CNTRL: variants seen among roughly 807,000 people sequenced by gnomAD.
CNTRL encodes the protein centriolin, also known as 110 kDa centrosomal protein.
A neutral mutation model predicts 303.7 loss-of-function variants in CNTRL; 233 were observed. The ratio of observed to expected loss-of-function variants is 0.77; its 90% CI spans 0.69 to 0.86. CNTRL has a LOEUF of 0.86. CNTRL is among the 40% of genes least tolerant of loss of function. CNTRL has a pLI of 0.00. For missense variants in CNTRL, 2,524 were observed against 2,650.6 expected, an observed-to-expected ratio of 0.95 and a Z score of 1.05; for synonymous variants, 900 against 922.2, an observed-to-expected ratio of 0.98 and a Z score of 0.44.
At chr9:121,142,032 TA>T in intron 18 of CNTRL, 58 bp from the exon 19 acceptor site, 1 of 1,392,664 alleles carries the variant, frequency 7.2e-7, no homozygotes, top group Non-Finnish European at 9.6e-7. Flanking sequence ...AAAAAGTTTT[TA>T]TTTTGCTTAA....
chr9:121,175,415 C>T (rs569528276), intron 43 of CNTRL, 191 bp downstream of exon 43: 3 of 597,212 alleles, frequency 5.0e-6, no homozygotes, highest in East Asian at 3.1e-5. Flanking sequence ...TACAGGCACA[C>T]ACCACTTGGC....
intron 25 of CNTRL, among the ~76,000 whole-genome samples, chr9:121,151,539 C>T (rs1051484927): frequency 6.6e-6 from 1 of 151,616 alleles, no homozygotes; most frequent in African/African-American, 2.4e-5. Context: ...TAGAGGCATA[C>T]GCCACCACGC....
At position 121,151,384 on chromosome 9, in the gene CNTRL, C is replaced by CTTTTTTTTTT. The variant is rs200247383; in HGVS notation, c.3963+903_3963+904insTTTTTTTTTT. ...GATTACTTCCTTTTTCTTTTTTCTTCTTCTTTTTTTTTTTTTTTTTTTTTG... is the reference window on the plus strand; with the variant it reads ...GATTACTTCCTTTTTCTTTTTTCTTCTTTTTTTTTTTTCTTTTTTTTTTTTTTTTTTTTTG... On this transcript the variant is annotated intron_variant, in intron 25 of 43. Transcript: ENST00000373855. Among the ~76,000 whole-genome samples, 182 of 91,452 alleles carry CTTTTTTTTTT rather than the reference C, an allele frequency of 2.0e-3. 8 individuals carry two copies. Among genetic ancestry groups the CTTTTTTTTTT allele is most frequent in the East Asian group, 6.3e-3 (14 of 2,216 alleles). The allele number at this position is 91,452 out of a possible 152,430, so 60.0% of individuals were successfully genotyped here. A position where few individuals can be genotyped will look rare whatever the true frequency, so the allele number is the denominator to read the frequency against.
At chr9:121,161,758 G>C in intron 32 of CNTRL, 98 bp from the exon 33 acceptor site, 2 of 846,182 alleles carry the variant, frequency 2.4e-6, no homozygotes, top group Non-Finnish European at 3.7e-6. Flanking sequence ...TTTTAAAATT[G>C]TCTTGTATTA....
chr9:121,158,420 G>T (rs976142367), intron 30 of CNTRL, among the ~76,000 whole-genome samples: 3 of 151,750 alleles, frequency 2.0e-5, no homozygotes, highest in African/African-American at 7.3e-5. Flanking sequence ...ATTTTCTGTT[G>T]TCTTCCTTTT....
chr9:121,158,020 C>G lies in CNTRL; in HGVS notation c.4675C>G (p.Arg1559Gly), dbSNP rs553029328. 1 of 1,613,896 alleles carries G rather than the reference C, an allele frequency of 6.2e-7. No individual in the cohort carries two copies. Among genetic ancestry groups the G allele is most frequent in the Non-Finnish European group, 8.5e-7 (1 of 1,179,998 alleles). The stretch of plus-strand genomic sequence containing the variant: ...ACAGAAAGACATAGAGATGGCAGAA[C>G]GCAATGAGGATCACCACCTGCAGGT... ...KLQKDIEMAERNEDHHLQVLK... is the reference protein window; with the variant it reads ...KLQKDIEMAEGNEDHHLQVLK... The change falls in exon 30 of 44, where the codon CGC becomes GGC. Residue 1559 changes from arginine (R) to glycine (G), a missense_variant. By Grantham distance (125) the Arg-to-Gly change is moderately radical. Coordinates refer to ENST00000373855, the MANE Select transcript of CNTRL (RefSeq NM_007018.6).
chr9:121,124,809 G>T (rs875593), intron 13 of CNTRL, among the ~76,000 whole-genome samples: 10,847 of 151,586 alleles, frequency 0.072, 485 homozygotes, highest in Non-Finnish European at 0.11. Context: ...AGGCGTAGTG[G>T]TATGTGTGCT....
chr9:121,175,326 G>T lies in CNTRL; in HGVS notation c.6954+102G>T. On this transcript the variant is annotated intron_variant, in intron 43 of 43. Coordinates refer to ENST00000373855, the MANE Select transcript of CNTRL (RefSeq NM_007018.6). ...CTACCGCCCAGGCTGGAGTGCATTGGTACCATCACAGCTCACTGCAGCCTT... is the reference window on the plus strand; with the variant it reads ...CTACCGCCCAGGCTGGAGTGCATTGTTACCATCACAGCTCACTGCAGCCTT... 5.2e-6 allele frequency: 5 copies of T among 962,672 alleles called. No homozygotes were observed. The South Asian group carries it at 6.9e-5, about 13-fold the overall frequency. The allele number at this position is 962,672 out of a possible 1,614,324, so 59.6% of individuals were successfully genotyped here.
intron 10 of CNTRL, among the ~76,000 whole-genome samples, chr9:121,114,875 T>G (rs550694945): frequency 6.6e-6 from 1 of 152,344 alleles, no homozygotes; most frequent in South Asian, 2.1e-4. Context: ...GGATCAATTA[T>G]AGTTCTATAC....
intron 30 of CNTRL, 131 bp from the exon 31 acceptor site, chr9:121,158,724 C>T: frequency 1.2e-6 from 1 of 862,920 alleles, no homozygotes; most frequent in Non-Finnish European, 1.8e-6. Flanking sequence ...GCACTCCTTG[C>T]CTGGCTTTTC....
intron 7 of CNTRL, among the ~76,000 whole-genome samples, chr9:121,104,243 G>T (rs1411845796): frequency 6.6e-6 from 1 of 152,314 alleles, no homozygotes; most frequent in Non-Finnish European, 1.5e-5. Flanking sequence ...GTTGAAGCTG[G>T]AAACCATCAT....
intron 14 of CNTRL, among the ~76,000 whole-genome samples, chr9:121,133,589 C>T (rs917877958): frequency 3.9e-5 from 6 of 152,330 alleles, no homozygotes; most frequent in Non-Finnish European, 5.9e-5. Context: ...AGGGAAATCC[C>T]CCGACGCCTT....
At chr9:121,090,447 C>A in intron 4 of CNTRL, 42 bp downstream of exon 4, 1 of 1,569,422 alleles carries the variant, frequency 6.4e-7, no homozygotes, top group Non-Finnish European at 8.6e-7. Context: ...CTGTTTTTAA[C>A]TTTTCTGTGC....
At chr9:121,079,189 A>G (rs573976297) in intron 1 of CNTRL, among the ~76,000 whole-genome samples, 7 of 152,292 alleles carry the variant, frequency 4.6e-5, no homozygotes, top group East Asian at 1.9e-4. Flanking sequence ...ACTTTTTTCC[A>G]TGGCAAAATT....
chr9:121,078,317 A>G (rs1482779045), intron 1 of CNTRL, among the ~76,000 whole-genome samples: 1 of 152,162 alleles, frequency 6.6e-6, no homozygotes, highest in African/African-American at 2.4e-5. Flanking sequence ...TTGGGGCGGG[A>G]CAATCACTTG....
chr9:121,133,149 T>C (rs1364126262), intron 14 of CNTRL, among the ~76,000 whole-genome samples: 1 of 152,234 alleles, frequency 6.6e-6, no homozygotes, highest in Admixed American at 6.5e-5. Context: ...AACACTGTGC[T>C]GGGAGAACCA....
intron 36 of CNTRL, 40 bp downstream of exon 36, chr9:121,166,220 G>C (rs765310999): frequency 7.2e-7 from 1 of 1,397,048 alleles, no homozygotes; most frequent in Admixed American, 2.0e-5. Flanking sequence ...GTATACTGAG[G>C]GTATGCAGAC....
At chr9:121,175,293 G>T (rs545764331) in intron 43 of CNTRL, 69 bp downstream of exon 43, 1 of 1,433,066 alleles carries the variant, frequency 7.0e-7, no homozygotes, top group African/African-American at 1.4e-5. Context: ...TTGAGACAAG[G>T]TCTTGCCCTA....
intron 10 of CNTRL, among the ~76,000 whole-genome samples, chr9:121,113,961 A>G (rs1588140598): frequency 6.6e-6 from 1 of 152,172 alleles, no homozygotes; most frequent in East Asian, 1.9e-4. Flanking sequence ...TGTCCAGGGG[A>G]TTCAAGAATG....
Sources: gnomAD v4.1 joint callset for allele counts (sites outside exome capture counted in the v4.1 genomes callset) on GRCh38, gnomAD v4.1.1 for gene constraint, MANE v1.5 for transcripts, NCBI Gene and HGNC (gene_info 2026-07-23, HGNC 2026-07-21) for gene names.